Variants in NT5DC1 observed in about 807,000 individuals in gnomAD.
NT5DC1 encodes the protein 5'-nucleotidase domain containing 1.
In NT5DC1, 42 loss-of-function variants were observed where a neutral mutation model predicts 59.4. The observed-to-expected ratio is 0.71, with a 90% CI of 0.55 to 0.92. The LOEUF (loss-of-function observed/expected upper bound fraction) is 0.92. Among genes scored for constraint, NT5DC1 ranks in the 40% least tolerant of loss-of-function variants. The pLI, the probability that NT5DC1 is intolerant of heterozygous loss-of-function variation, is 0.00. For missense variants in NT5DC1, 501 were observed against 537.1 expected (o/e 0.93, Z 0.66); for synonymous variants, 172 against 188.1 (o/e 0.91, Z 0.70).
intron 2 of NT5DC1, among the ~76,000 whole-genome samples, chr6:116,107,414 G>A (rs1778786083): frequency 6.6e-6 from 1 of 150,960 alleles, no homozygotes; most frequent in Admixed American, 6.6e-5. Context: ...GTATTTGGTA[G>A]CCATTATACC....
Position 116,100,997 on chromosome 6 carries a change from C to G in NT5DC1, c.67C>G (p.Arg23Gly). Residue 23 changes from arginine (R) to glycine (G), a missense_variant, in exon 1 of 12, where the codon CGC becomes GGC. By Grantham distance (125) the Arg-to-Gly change is moderately radical. Transcript: ENST00000319550. ...VGFDLDHTLC[R>G]YNLPESAPLI... ...ATTCGACCTGGACCACACTCTGTGT[C>G]GCTACAACCTGCCCGAGAGCGCCCC... 1.2e-6 allele frequency: 2 copies of G among 1,601,644 alleles called. No individual in the cohort carries two copies. The highest frequency in any genetic ancestry group is 1.7e-6 in the Non-Finnish European group (2 of 1,175,606).
At chr6:116,162,177 A>G (rs992575678) in intron 6 of NT5DC1, among the ~76,000 whole-genome samples, 3 of 152,112 alleles carry the variant, frequency 2.0e-5, no homozygotes, top group African/African-American at 7.2e-5. Flanking sequence ...AGTCTTTTGG[A>G]GGAATCATTT....
At chr6:116,170,177 TGTGAA>T (rs1582850030) in intron 6 of NT5DC1, among the ~76,000 whole-genome samples, 1 of 152,130 alleles carries the variant, frequency 6.6e-6, no homozygotes, top group African/African-American at 2.4e-5. Flanking sequence ...TCGGTTTTGC[TGTGAA>T]GTGGAGAGAC....
At chr6:116,103,688 T>A (rs1029910851) in intron 1 of NT5DC1, among the ~76,000 whole-genome samples, 3 of 152,116 alleles carry the variant, frequency 2.0e-5, no homozygotes, top group African/African-American at 7.2e-5. Context: ...TTCAGTTTTG[T>A]AGGCATTTAA....
chr6:116,184,222 A>G (rs989956006), intron 6 of NT5DC1, among the ~76,000 whole-genome samples: 13 of 152,206 alleles, frequency 8.5e-5, no homozygotes, highest in Admixed American at 6.6e-4. Flanking sequence ...GCATATGTCA[A>G]ACTATCCCTG....
In NT5DC1 at chr6:116,238,172, C is replaced by T. The variant is rs376774872; in HGVS notation, c.922-15C>T. On this transcript the variant is annotated splice_polypyrimidine_tract_variant and intron_variant, in intron 9 of 11. Transcript: ENST00000319550. Reference sequence around the variant, plus strand: ...AATTCTGTGCCTCAAACAGCATCTGCTATCTGTCTTACAGGTTGTTTATTT... The same window carrying T: ...AATTCTGTGCCTCAAACAGCATCTGTTATCTGTCTTACAGGTTGTTTATTT... 23 of 1,579,720 alleles carry T rather than the reference C, an allele frequency of 1.5e-5. No homozygotes were observed. Among genetic ancestry groups the T allele is most frequent in the Middle Eastern group, 1.8e-4 (1 of 5,618 alleles).
At chr6:116,194,744 G>C (rs1411658798) in intron 6 of NT5DC1, among the ~76,000 whole-genome samples, 1 of 151,994 alleles carries the variant, frequency 6.6e-6, no homozygotes, top group Non-Finnish European at 1.5e-5. Context: ...ATTATCAGAA[G>C]AGTTAGAAAC....
At chr6:116,110,789 A>G (rs562921227) in intron 3 of NT5DC1, 61 bp from the exon 4 acceptor site, 2 of 1,162,034 alleles carry the variant, frequency 1.7e-6, no homozygotes, top group Admixed American at 3.4e-5. Flanking sequence ...AGTCACAATG[A>G]TAGAGGAAGG....
chr6:116,201,990 AGAACTTCCTGGAGTGAAG>A (rs1393318660), intron 6 of NT5DC1, among the ~76,000 whole-genome samples: 1 of 152,050 alleles, frequency 6.6e-6, no homozygotes, highest in Non-Finnish European at 1.5e-5. Flanking sequence ...GCTGACCAAT[AGAACTTCCTGGAGTGAAG>A]AAATAGTCTA....
At position 116,233,977 on chromosome 6, in the gene NT5DC1, G is replaced by GTTT. The variant is rs34646243; in HGVS notation, c.803-2973_803-2971dup. On this transcript the variant is annotated intron_variant, in intron 8 of 11. Transcript: ENST00000319550. The stretch of plus-strand genomic sequence containing the variant: ...GTTTATCTTTCTATATCTTATAACT[G>GTTT]TTTTTTTTTTTTTTTTTTGAGACGG... 3.3e-3 allele frequency among the ~76,000 whole-genome samples: 367 copies of GTTT among 109,832 alleles called. 15 individuals carry two copies. The highest frequency in any genetic ancestry group is 4.9e-3 in the African/African-American group (140 of 28,850). 72.1% of individuals were successfully genotyped at this position (109,832 alleles called of 152,430 possible).
At chr6:116,200,723 G>A (rs901101133) in intron 6 of NT5DC1, among the ~76,000 whole-genome samples, 1 of 151,860 alleles carries the variant, frequency 6.6e-6, no homozygotes, top group African/African-American at 2.4e-5. Context: ...ATGTCCTTAT[G>A]GATCGTACTT....
At chr6:116,209,936 T>C (rs1012001358) in intron 6 of NT5DC1, among the ~76,000 whole-genome samples, 1 of 152,030 alleles carries the variant, frequency 6.6e-6, no homozygotes, top group African/African-American at 2.4e-5. Flanking sequence ...CTCAAACATA[T>C]AGATTTAGAC....
At chr6:116,109,443 G>A (rs947905256) in intron 3 of NT5DC1, among the ~76,000 whole-genome samples, 1 of 152,196 alleles carries the variant, frequency 6.6e-6, no homozygotes, top group Non-Finnish European at 1.5e-5. Context: ...TTCTCACAGT[G>A]TTCTTGGCTA....
Position 116,117,935 on chromosome 6 carries a change from A to G in NT5DC1, c.519A>G (p.Ser173=), listed in dbSNP as rs34871644. 52 of 1,537,086 alleles carry G rather than the reference A, an allele frequency of 3.4e-5. No homozygotes were observed. The highest frequency in any genetic ancestry group is 4.5e-5 in the Non-Finnish European group (50 of 1,109,948). The change falls in exon 6 of 12, where the codon TCA becomes TCG. Residue 173 remains serine (S), a synonymous_variant. Coordinates refer to ENST00000319550, the MANE Select transcript of NT5DC1 (RefSeq NM_152729.3). ...VAAIQHNYKM[S]AFKENCGIYF... ...CTATACAACACAATTATAAAATGTC[A>G]GCTTTTAAGGGTAAGTATTGTGAAG...
At chr6:116,208,741 C>T (rs1781511273) in intron 6 of NT5DC1, among the ~76,000 whole-genome samples, 1 of 151,938 alleles carries the variant, frequency 6.6e-6, no homozygotes, top group African/African-American at 2.4e-5. Flanking sequence ...ACAAGCAGAC[C>T]AAGTGAGCCT....
intron 11 of NT5DC1, among the ~76,000 whole-genome samples, chr6:116,241,102 C>G (rs981107375): frequency 4.7e-5 from 7 of 148,880 alleles, no homozygotes; most frequent in Non-Finnish European, 7.4e-5. Flanking sequence ...TGAGATCACA[C>G]CACTGCACTC....
chr6:116,215,284 T>C (rs1005278888), intron 6 of NT5DC1, among the ~76,000 whole-genome samples: 6 of 152,184 alleles, frequency 3.9e-5, no homozygotes, highest in South Asian at 2.1e-4. Flanking sequence ...AAGTACATAG[T>C]AGTAACTAAA....
At position 116,247,097 on chromosome 6, in the gene NT5DC1, CA is replaced by C. The variant is rs552813105; in HGVS notation, c.*3077del. On this transcript the variant is annotated 3_prime_UTR_variant, in exon 12 of 12. Transcript: ENST00000319550. ...AATACATGAACCCAAGTTTGATCCT[CA>C]AAATCACACTTTTAATTACTTGATA... The C allele has an allele frequency of 6.6e-5, 10 of 152,104 alleles. No homozygotes were observed. The highest frequency in any genetic ancestry group is 1.3e-4 in the Non-Finnish European group (9 of 67,986). The allele number at this position is 152,104 out of a possible 1,614,324, so 9.4% of individuals were successfully genotyped here. A position where few individuals can be genotyped will look rare whatever the true frequency, so the allele number is the denominator to read the frequency against.
chr6:116,150,783 G>T (rs965181693), intron 6 of NT5DC1, among the ~76,000 whole-genome samples: 7 of 152,108 alleles, frequency 4.6e-5, no homozygotes, highest in African/African-American at 1.7e-4. Flanking sequence ...AATATCTGAA[G>T]GTAAGGAAGC....
Sources: gnomAD v4.1 joint callset for allele counts (sites outside exome capture counted in the v4.1 genomes callset) on GRCh38, gnomAD v4.1.1 for gene constraint, MANE v1.5 for transcripts, NCBI Gene and HGNC (gene_info 2026-07-23, HGNC 2026-07-21) for gene names.